ITGA9: variants seen among roughly 807,000 people sequenced by gnomAD.
ITGA9 encodes the protein integrin subunit alpha 9, also known as integrin alpha-9.
Under a neutral mutation model 127.8 loss-of-function variants are expected in ITGA9, and 56 were observed. The ratio of observed to expected loss-of-function variants is 0.44; its 90% CI spans 0.35 to 0.55. The LOEUF (loss-of-function observed/expected upper bound fraction) is 0.55. Among genes scored for constraint, ITGA9 ranks in the 20% least tolerant of loss-of-function variants. The pLI is 0.00. For synonymous variants in ITGA9, 508 were observed against 514.5 expected (o/e 0.99, Z 0.17); for missense variants, 1,196 against 1,347.1 (o/e 0.89, Z 1.76).
intron 18 of ITGA9, 67 bp from the exon 19 acceptor site, chr3:37,732,645 G>C: frequency 8.2e-7 from 1 of 1,221,314 alleles, no homozygotes. Flanking sequence ...CGATTGCCCC[G>C]TGGAGCCTGC....
chr3:37,477,971 C>T (rs752557668), intron 3 of ITGA9, among the ~76,000 whole-genome samples: 6 of 151,662 alleles, frequency 4.0e-5, no homozygotes, highest in Non-Finnish European at 8.8e-5. Context: ...TGCTCTGTTT[C>T]CTGATTTTTT....
chr3:37,518,755 T>C (rs753549445), intron 10 of ITGA9, among the ~76,000 whole-genome samples: 2 of 149,700 alleles, frequency 1.3e-5, no homozygotes, highest in Non-Finnish European at 3.0e-5. Context: ...AGTCAGCTTC[T>C]ATAGTTTTCA....
rs1225897015 is a variant in ITGA9, at chr3:37,523,544, T to C, written c.1260T>C (p.Asn420=). 6.2e-7 allele frequency: 1 copy of C among 1,614,090 alleles called. No homozygotes were observed. Residue 420 remains asparagine (N), a synonymous_variant, in exon 12 of 28, where the codon AAT becomes AAC. Transcript: ENST00000264741. ...YSMKLSGQKI[N]PVLRMFGQSI... ...AGAAACTGTCTGGGCAGAAGATAAA[T>C]CCAGTGCTCCGGATGTTTGGTCAGT...
chr3:37,644,259 G>C (rs990760384), intron 16 of ITGA9, among the ~76,000 whole-genome samples: 4 of 152,164 alleles, frequency 2.6e-5, no homozygotes, highest in African/African-American at 9.7e-5. Context: ...TTATCACAGG[G>C]GTTGAACTGG....
At chr3:37,776,745 A>AC (rs1696912981) in intron 23 of ITGA9, among the ~76,000 whole-genome samples, 1 of 152,280 alleles carries the variant, frequency 6.6e-6, no homozygotes, top group Middle Eastern at 3.4e-3. Flanking sequence ...CAAATCACTC[A>AC]CCAAGAGCTC....
intron 27 of ITGA9, among the ~76,000 whole-genome samples, chr3:37,815,935 C>T (rs1016740670): frequency 1.8e-4 from 27 of 152,130 alleles, no homozygotes; most frequent in African/African-American, 6.3e-4. Context: ...AAACTGGTCT[C>T]TTAGCAGGTT....
chr3:37,461,440 A>G (rs1579039646), intron 1 of ITGA9, among the ~76,000 whole-genome samples: 2 of 152,142 alleles, frequency 1.3e-5, no homozygotes, highest in Admixed American at 1.3e-4. Flanking sequence ...AAATGAGATG[A>G]TATCTGCAAA....
At chr3:37,711,674 G>A (rs772059848) in intron 18 of ITGA9, among the ~76,000 whole-genome samples, 2 of 152,192 alleles carry the variant, frequency 1.3e-5, no homozygotes, top group African/African-American at 4.8e-5. Context: ...ACAGTGCTAG[G>A]ATTATAGGTG....
intron 15 of ITGA9, among the ~76,000 whole-genome samples, chr3:37,573,910 C>T (rs1054716295): frequency 6.6e-6 from 1 of 152,140 alleles, no homozygotes; most frequent in African/African-American, 2.4e-5. Context: ...GCAGAATGAG[C>T]AGGGCACCAA....
Position 37,629,543 on chromosome 3 carries a change from A to G in ITGA9, c.1839+207A>G, listed in dbSNP as rs763687152. Reference sequence around the variant, plus strand: ...TACTTGTGACTACTGTGGGACTTAAACACTTTCAGACAATTCTCAGGCTGT... The same window carrying G: ...TACTTGTGACTACTGTGGGACTTAAGCACTTTCAGACAATTCTCAGGCTGT... On this transcript the variant is annotated intron_variant, in intron 16 of 27. Coordinates refer to ENST00000264741, the MANE Select transcript of ITGA9 (RefSeq NM_002207.3). The surrounding 1 kb of genome is among the most constrained non-coding windows in gnomAD (Gnocchi z 4.5). 12 of 649,616 alleles carry G rather than the reference A, an allele frequency of 1.8e-5. No individual in the cohort carries two copies. Among genetic ancestry groups the G allele is most frequent in the Non-Finnish European group, 2.7e-5 (10 of 366,488 alleles). The allele number at this position is 649,616 out of a possible 1,614,324, so 40.2% of individuals were successfully genotyped here. A position where few individuals can be genotyped will look rare whatever the true frequency, so the allele number is the denominator to read the frequency against.
At chr3:37,512,008 CTT>C (rs1305146577) in intron 8 of ITGA9, among the ~76,000 whole-genome samples, 25 of 33,208 alleles carry the variant, frequency 7.5e-4, no homozygotes, top group African/African-American at 1.5e-3. Context: ...CTTTTCTTTT[CTT>C]TTCTTTTCTT....
chr3:37,655,833 C>T (rs1392190389), intron 17 of ITGA9, among the ~76,000 whole-genome samples: 8 of 152,134 alleles, frequency 5.3e-5, no homozygotes, highest in Admixed American at 1.3e-4. Context: ...TTAGGTCTTA[C>T]GTTTAACTCT....
intron 15 of ITGA9, among the ~76,000 whole-genome samples, chr3:37,543,040 C>T (rs1699290464): frequency 6.6e-6 from 1 of 152,124 alleles, no homozygotes; most frequent in South Asian, 2.1e-4. Flanking sequence ...TAGATTCTTC[C>T]CCCTTGACTA....
chr3:37,681,871 C>G (rs931817399), intron 17 of ITGA9, among the ~76,000 whole-genome samples: 29 of 152,038 alleles, frequency 1.9e-4, no homozygotes, highest in African/African-American at 6.5e-4. Context: ...CCTCCAACTC[C>G]CAGTCTTTCA....
rs1334222870 is a variant in ITGA9, at chr3:37,629,846, G to A, written c.1839+510G>A. On this transcript the variant is annotated intron_variant, in intron 16 of 27. Coordinates refer to ENST00000264741, the MANE Select transcript of ITGA9 (RefSeq NM_002207.3). The surrounding 1 kb of genome is among the most constrained non-coding windows in gnomAD (Gnocchi z 4.5). The stretch of plus-strand genomic sequence containing the variant: ...TCATCAGATTCTGGGATGTGCGGCT[G>A]TGTAGAGAAGCTTTAGTGCGATGGG... Among the ~76,000 whole-genome samples, 1 of 152,198 alleles carries A rather than the reference G, an allele frequency of 6.6e-6. No homozygotes were observed. The highest frequency in any genetic ancestry group is 1.5e-5 in the Non-Finnish European group (1 of 68,030).
intron 1 of ITGA9, among the ~76,000 whole-genome samples, chr3:37,455,798 G>A (rs1454764975): frequency 6.6e-6 from 1 of 152,144 alleles, no homozygotes; most frequent in Non-Finnish European, 1.5e-5. Context: ...AGAATGTGCT[G>A]GAAGTGGTAG....
At chr3:37,512,013 CTTTTCTTTTCT>C (rs1455107754) in intron 8 of ITGA9, among the ~76,000 whole-genome samples, 2,373 of 34,504 alleles carry the variant, frequency 0.069, 210 homozygotes, top group Middle Eastern at 0.12. Context: ...CTTTTCTTTT[CTTTTCTTTTCT>C]TTTCTTTCTT....
At chr3:37,610,847 G>A (rs988691049) in intron 15 of ITGA9, among the ~76,000 whole-genome samples, 1 of 152,176 alleles carries the variant, frequency 6.6e-6, no homozygotes, top group Non-Finnish European at 1.5e-5. Context: ...AAATGCTGTA[G>A]GTAAGAGATG....
At chr3:37,484,124 C>T (rs897696992) in intron 4 of ITGA9, among the ~76,000 whole-genome samples, 8 of 152,220 alleles carry the variant, frequency 5.3e-5, no homozygotes, top group African/African-American at 1.9e-4. Context: ...GCCCAATCTT[C>T]CTTCCCATGG....
Sources: gnomAD v4.1 joint callset for allele counts (sites outside exome capture counted in the v4.1 genomes callset) on GRCh38, gnomAD v4.1.1 for gene constraint, Gnocchi (gnomAD v3.1) non-coding constraint, MANE v1.5 for transcripts, NCBI Gene and HGNC (gene_info 2026-07-23, HGNC 2026-07-21) for gene names.